The following ZBBX variants were observed in gnomAD, a reference collection of about 807,000 sequenced individuals.
ZBBX encodes the protein zinc finger B-box domain containing.
A neutral mutation model predicts 108.5 loss-of-function variants in ZBBX; 101 were observed. The observed-to-expected ratio is 0.93, with a 90% CI of 0.79 to 1.10. ZBBX has a LOEUF of 1.10. Among genes scored for constraint, ZBBX ranks in the 50% least tolerant of loss-of-function variants. The pLI is 0.00. For synonymous variants in ZBBX, 356 were observed against 323.4 expected (o/e 1.10, Z -1.08); for missense variants, 1,009 against 941.4 (o/e 1.07, Z -0.94).
chr3:167,271,519 C>A (rs1259134293), intron 20 of ZBBX, among the ~76,000 whole-genome samples: 4 of 152,112 alleles, frequency 2.6e-5, no homozygotes, highest in African/African-American at 9.7e-5. Context: ...ATGGGTATTA[C>A]CAGACCAAAG....
chr3:167,191,559 G>A, the ZBBX span, among the ~76,000 whole-genome samples: 20 of 152,110 alleles, frequency 1.3e-4, 1 homozygote, highest in South Asian at 8.3e-4. Context: ...TTAAAAATGG[G>A]AGTTTCTCTG....
In ZBBX at chr3:167,242,575, T is replaced by TGGA; in HGVS notation, c.2322_2323insTCC (p.Asn774_Ile775insSer). ...AGGAAATCTGTGGAAATCTGACTTA[T>TGGA]ATTCAGTGATTGGCTGCTGAAATCT... is the stretch of plus-strand genomic sequence containing the variant. On this transcript the variant is annotated inframe_insertion, in exon 21 of 22. Transcript: ENST00000675490. The TGGA allele has an allele frequency of 1.2e-6, 2 of 1,613,818 alleles. No homozygotes were observed. The highest frequency in any genetic ancestry group is 1.7e-6 in the Non-Finnish European group (2 of 1,179,842).
the ZBBX span, among the ~76,000 whole-genome samples, chr3:167,231,205 T>C: frequency 6.6e-6 from 1 of 151,820 alleles, no homozygotes; most frequent in Non-Finnish European, 1.5e-5. Flanking sequence ...AATTATACAT[T>C]AGAGGTTTGA....
In ZBBX at chr3:167,240,667, C is replaced by A; in HGVS notation, c.*126G>T. 1.7e-6 allele frequency: 2 copies of A among 1,158,438 alleles called. No individual in the cohort carries two copies. Among genetic ancestry groups the A allele is most frequent in the South Asian group, 1.6e-5 (1 of 63,138 alleles). The allele number at this position is 1,158,438 out of a possible 1,614,324, so 71.8% of individuals were successfully genotyped here. On this transcript the variant is annotated 3_prime_UTR_variant, in exon 22 of 22. Transcript: ENST00000675490. ...AATTTTACTTTTATTAGTTTGTAGC[C>A]TTGAAACATCAAAGACATTAGTAAT... is the stretch of plus-strand genomic sequence containing the variant.
the ZBBX span, among the ~76,000 whole-genome samples, chr3:167,205,706 A>G: frequency 6.6e-6 from 1 of 152,214 alleles, no homozygotes; most frequent in South Asian, 2.1e-4. Flanking sequence ...GAAGGCACAG[A>G]GAAATAACTT....
intron 20 of ZBBX, among the ~76,000 whole-genome samples, chr3:167,258,483 T>G (rs1198602229): frequency 6.6e-6 from 1 of 152,164 alleles, no homozygotes; most frequent in East Asian, 1.9e-4. Flanking sequence ...CTTTACTGAT[T>G]TGGATGCCCT....
intron 6 of ZBBX, among the ~76,000 whole-genome samples, chr3:167,364,971 A>G (rs925082131): frequency 2.0e-5 from 3 of 151,504 alleles, no homozygotes; most frequent in Non-Finnish European, 4.4e-5. Flanking sequence ...ATGGTTCCAT[A>G]TTTTTCTTTA....
intron 20 of ZBBX, among the ~76,000 whole-genome samples, chr3:167,264,460 T>C (rs1242225057): frequency 6.6e-6 from 1 of 152,228 alleles, no homozygotes; most frequent in Non-Finnish European, 1.5e-5. Flanking sequence ...TAACACTGAT[T>C]ACATAAACAA....
intron 12 of ZBBX, among the ~76,000 whole-genome samples, chr3:167,319,906 G>A (rs1435221233): frequency 6.6e-6 from 1 of 151,870 alleles, no homozygotes; most frequent in Non-Finnish European, 1.5e-5. Context: ...TGTGATGCTG[G>A]TTTGGATTCG....
At chr3:167,360,997 T>C (rs1036664307) in intron 6 of ZBBX, among the ~76,000 whole-genome samples, 6 of 152,070 alleles carry the variant, frequency 3.9e-5, no homozygotes, top group Admixed American at 2.0e-4. Context: ...AAAACCATTA[T>C]ATCTCATTAT....
chr3:167,266,767 C>T (rs534776017), intron 20 of ZBBX, among the ~76,000 whole-genome samples: 5 of 152,262 alleles, frequency 3.3e-5, no homozygotes, highest in East Asian at 3.9e-4. Context: ...AATTTATATT[C>T]GAGTGCTGTT....
intron 9 of ZBBX, among the ~76,000 whole-genome samples, chr3:167,343,700 C>T (rs1740947981): frequency 6.6e-6 from 1 of 151,776 alleles, no homozygotes; most frequent in Non-Finnish European, 1.5e-5. Flanking sequence ...GGATGTTAGA[C>T]CAAAAAGTCA....
chr3:167,270,969 T>G (rs1726417897), intron 20 of ZBBX, among the ~76,000 whole-genome samples: 1 of 152,202 alleles, frequency 6.6e-6, no homozygotes. Flanking sequence ...TGACACTTAT[T>G]CATAGATGGT....
chr3:167,316,805 G>C (rs1735533783), intron 14 of ZBBX, among the ~76,000 whole-genome samples, 200 bp downstream of exon 14: 1 of 151,852 alleles, frequency 6.6e-6, no homozygotes. Context: ...TACCAGTTTA[G>C]CTCACAAATT....
chr3:167,303,947 A>G (rs1377379225), intron 17 of ZBBX, among the ~76,000 whole-genome samples: 1 of 152,126 alleles, frequency 6.6e-6, no homozygotes, highest in East Asian at 1.9e-4. Flanking sequence ...AATACAAGCA[A>G]TTTTTTAAAC....
At chr3:167,313,207 C>A (rs1239969602) in intron 16 of ZBBX, among the ~76,000 whole-genome samples, 1 of 152,146 alleles carries the variant, frequency 6.6e-6, no homozygotes, top group Non-Finnish European at 1.5e-5. Context: ...ATGAACACAG[C>A]ATTCTAATCT....
At chr3:167,267,595 A>C (rs1267362421) in intron 20 of ZBBX, among the ~76,000 whole-genome samples, 6 of 152,222 alleles carry the variant, frequency 3.9e-5, no homozygotes, top group African/African-American at 4.8e-5. Context: ...GTTTGGACCC[A>C]GGGTCCACTC....
intron 11 of ZBBX, among the ~76,000 whole-genome samples, chr3:167,326,107 A>G (rs1038796403): frequency 6.6e-6 from 1 of 152,194 alleles, no homozygotes; most frequent in African/African-American, 2.4e-5. Context: ...GCCCATCATA[A>G]TATCTTTTAA....
chr3:167,353,613 A>G (rs1743032165), intron 8 of ZBBX, among the ~76,000 whole-genome samples: 1 of 152,076 alleles, frequency 6.6e-6, no homozygotes, highest in Non-Finnish European at 1.5e-5. Context: ...CAATATATCC[A>G]GATAACACAA....
Sources: allele counts gnomAD v4.1 joint callset (sites outside exome capture counted in the v4.1 genomes callset), GRCh38; gene constraint gnomAD v4.1.1; transcripts MANE v1.5; gene names NCBI Gene and HGNC (gene_info 2026-07-23, HGNC 2026-07-21).